The following LOC400499 variants were observed in gnomAD, a reference collection of about 807,000 sequenced individuals.
the LOC400499 span, among the ~76,000 whole-genome samples, chr16:11,405,687 T>C: frequency 6.6e-6 from 1 of 152,190 alleles, no homozygotes; most frequent in East Asian, 1.9e-4. Context: ...CCCAGCTTGG[T>C]CCACGCATTA....
chr16:11,451,190 G>A, the LOC400499 span, among the ~76,000 whole-genome samples: 1 of 152,246 alleles, frequency 6.6e-6, no homozygotes, highest in Non-Finnish European at 1.5e-5. Flanking sequence ...GATGAGGCAA[G>A]TGGGGTCAAC....
the LOC400499 span, among the ~76,000 whole-genome samples, chr16:11,398,920 A>G: frequency 1.3e-5 from 2 of 152,190 alleles, no homozygotes; most frequent in East Asian, 3.9e-4. Context: ...CTGGGATTAC[A>G]GGTGTGATTC....
the LOC400499 span, among the ~76,000 whole-genome samples, chr16:11,437,943 C>A: frequency 2.6e-5 from 4 of 152,186 alleles, no homozygotes; most frequent in South Asian, 2.1e-4. Flanking sequence ...AACCCACCCC[C>A]ACTCCCCGAT....
chr16:11,417,894 G>T, the LOC400499 span: 1 of 398,390 alleles, frequency 2.5e-6, no homozygotes, highest in South Asian at 1.3e-4. Context: ...AGCCAGCCTG[G>T]GTCAAGCTGG....
chr16:11,411,850 TTTTTC>T, the LOC400499 span, among the ~76,000 whole-genome samples: 8 of 56,896 alleles, frequency 1.4e-4, no homozygotes, highest in Non-Finnish European at 3.8e-4. Context: ...CGTTTTTCTC[TTTTTC>T]TTTTTTTTTT....
chr16:11,448,941 G>C, the LOC400499 span: 1 of 1,490,596 alleles, frequency 6.7e-7, no homozygotes, highest in East Asian at 2.5e-5. Context: ...CCTGTAGGCC[G>C]CTGTTAGGTT....
the LOC400499 span, among the ~76,000 whole-genome samples, chr16:11,467,843 T>A: frequency 2.0e-5 from 3 of 152,226 alleles, no homozygotes; most frequent in African/African-American, 7.2e-5. Flanking sequence ...GACCTGTGAA[T>A]GTGACCTTAT....
At chr16:11,402,455 G>A in the LOC400499 span, among the ~76,000 whole-genome samples, 1 of 152,192 alleles carries the variant, frequency 6.6e-6, no homozygotes, top group African/African-American at 2.4e-5. Context: ...CTGGCCTCGT[G>A]ACGTGCTAAT....
chr16:11,491,179 G>A, the LOC400499 span, among the ~76,000 whole-genome samples: 9 of 152,292 alleles, frequency 5.9e-5, no homozygotes, highest in East Asian at 1.5e-3. Context: ...GCTGGGATTT[G>A]AACCTGGGTT....
At chr16:11,445,593 G>A in the LOC400499 span, among the ~76,000 whole-genome samples, 3 of 152,252 alleles carry the variant, frequency 2.0e-5, no homozygotes, top group Admixed American at 6.5e-5. Context: ...CACAGGACAC[G>A]CAGAGGTCCC....
At chr16:11,513,135 C>T in the LOC400499 span, among the ~76,000 whole-genome samples, 5 of 152,044 alleles carry the variant, frequency 3.3e-5, no homozygotes, top group Admixed American at 1.3e-4. Context: ...ACAGTTCACA[C>T]CTGTAATCCT....
At chr16:11,525,815 A>AT in the LOC400499 span, among the ~76,000 whole-genome samples, 1 of 152,184 alleles carries the variant, frequency 6.6e-6, no homozygotes, top group South Asian at 2.1e-4. Flanking sequence ...CATTTAAAAT[A>AT]TTTTTTAAAT....
At chr16:11,423,671 G>A in the LOC400499 span, among the ~76,000 whole-genome samples, 1 of 152,274 alleles carries the variant, frequency 6.6e-6, no homozygotes, top group Admixed American at 6.5e-5. Context: ...GCCACCCTCA[G>A]GGACAGGCAC....
the LOC400499 span, among the ~76,000 whole-genome samples, chr16:11,498,650 G>T: frequency 2.0e-5 from 3 of 150,930 alleles, no homozygotes; most frequent in African/African-American, 7.3e-5. Context: ...CAGGGCTCAT[G>T]CAGGGCCTTG....
At chr16:11,498,772 G>T in the LOC400499 span, among the ~76,000 whole-genome samples, 1 of 151,674 alleles carries the variant, frequency 6.6e-6, no homozygotes, top group Non-Finnish European at 1.5e-5. Flanking sequence ...TCCACAAGCC[G>T]ATCGATGCCA....
the LOC400499 span, among the ~76,000 whole-genome samples, chr16:11,479,147 G>C: frequency 1.3e-5 from 2 of 152,226 alleles, no homozygotes. Context: ...TGGCTGAAGA[G>C]AAAGGTCAAG....
the LOC400499 span, among the ~76,000 whole-genome samples, chr16:11,502,916 C>CTTTTTT: frequency 2.0e-5 from 1 of 51,250 alleles, no homozygotes; most frequent in Non-Finnish European, 4.5e-5. Context: ...ACCTGGACCA[C>CTTTTTT]CTTTTTTTTT....
the LOC400499 span, chr16:11,411,259 G>A: frequency 2.5e-6 from 1 of 399,210 alleles, no homozygotes; most frequent in African/African-American, 2.1e-5. Flanking sequence ...AGCTGAGGCT[G>A]AGGCTGAGCT....
chr16:11,450,809 G>A, the LOC400499 span: 35 of 1,530,592 alleles, frequency 2.3e-5, no homozygotes, highest in Non-Finnish European at 2.8e-5. Flanking sequence ...GGACTATCCA[G>A]GTTCAAGGCT....
Sources: gnomAD v4.1 joint callset for allele counts (sites outside exome capture counted in the v4.1 genomes callset) on GRCh38, gnomAD v4.1.1 for gene constraint, MANE v1.5 for transcripts.